The following AKR1C4 variants were observed in gnomAD, a reference collection of about 807,000 sequenced individuals.
The protein encoded by AKR1C4 is aldo-keto reductase family 1 member C4, also known as 3-alpha-HSD1.
In AKR1C4, 44 loss-of-function variants were observed where a neutral mutation model predicts 41.0. That is an observed-to-expected ratio of 1.07 (90% CI 0.84 to 1.38). The LOEUF is 1.38. Among genes scored for constraint, AKR1C4 ranks in the 40% most tolerant of loss-of-function variants. The pLI is 0.00. For synonymous variants in AKR1C4, 165 were observed against 137.7 expected (o/e 1.20, Z -1.39); for missense variants, 438 against 387.9 (o/e 1.13, Z -1.09).
intron 7 of AKR1C4, among the ~76,000 whole-genome samples, chr10:5,213,625 T>C (rs1005888931): frequency 3.9e-5 from 6 of 152,214 alleles, no homozygotes; most frequent in African/African-American, 1.4e-4. Flanking sequence ...ATCATAATTA[T>C]ACTGAGTAAA....
intron 8 of AKR1C4, among the ~76,000 whole-genome samples, chr10:5,217,695 G>A (rs1832675076): frequency 6.6e-6 from 1 of 152,186 alleles, no homozygotes; most frequent in Non-Finnish European, 1.5e-5. Flanking sequence ...GGGAAGCAGA[G>A]GTTTCAGTGA....
chr10:5,217,407 T>G (rs575263366), intron 8 of AKR1C4, among the ~76,000 whole-genome samples: 1 of 152,224 alleles, frequency 6.6e-6, no homozygotes, highest in African/African-American at 2.4e-5. Flanking sequence ...GGCTTTAATT[T>G]TTGCAATATG....
Position 5,213,075 on chromosome 10 carries a change from G to C in AKR1C4, c.762G>C (p.Leu254=), listed in dbSNP as rs1564404288. Residue 254 remains leucine (L), a synonymous_variant, in exon 7 of 9, where the codon CTG becomes CTC. Coordinates refer to ENST00000263126, the MANE Select transcript of AKR1C4 (RefSeq NM_001818.5). ...AGAAACACAAACAAACCCCAGCCCT[G>C]ATTGCCCTGCGCTACCAGCTGCAGC... The part of the protein sequence containing the change: ...LAKKHKQTPA[L]IALRYQLQRG... 1 of 1,614,048 alleles carries C rather than the reference G, an allele frequency of 6.2e-7. No homozygotes were observed. Among genetic ancestry groups the C allele is most frequent in the African/African-American group, 1.3e-5 (1 of 74,936 alleles).
intron 5 of AKR1C4, among the ~76,000 whole-genome samples, chr10:5,210,437 C>G (rs1182919389): frequency 6.6e-6 from 1 of 152,194 alleles, no homozygotes; most frequent in East Asian, 1.9e-4. Flanking sequence ...CAGAGCTCCA[C>G]TAGGTGGTGC....
chr10:5,200,096 C>A lies in AKR1C4; in HGVS notation c.85-85C>A, dbSNP rs1588335432. On this transcript the variant is annotated intron_variant, in intron 1 of 8. Transcript: ENST00000263126. ...AAGCGAGCCACACCCCCACTGCACA[C>A]CCTGTGAGGACAAGGGAACTTTTCC... 1.4e-5 allele frequency: 22 copies of A among 1,536,670 alleles called. No individual in the cohort carries two copies. The South Asian group carries it at 2.6e-4, about 18-fold the overall frequency.
chr10:5,201,273 G>A (rs1832398064), intron 2 of AKR1C4, among the ~76,000 whole-genome samples: 1 of 152,050 alleles, frequency 6.6e-6, no homozygotes, highest in Admixed American at 6.5e-5. Context: ...AACTTCTACT[G>A]TCTTTTCAGC....
rs1328373081 is a variant in AKR1C4 at position 5,218,865 on chromosome 10, C to A, written c.*105C>A. ...TGGACACACAGCCTCTGGTTAAATC[C>A]CTCCCCTCCTGCTTGGCAACTTCAG... On this transcript the variant is annotated 3_prime_UTR_variant, in exon 9 of 9. Coordinates refer to ENST00000263126, the MANE Select transcript of AKR1C4 (RefSeq NM_001818.5). 3.7e-6 allele frequency: 4 copies of A among 1,066,772 alleles called. No homozygotes were observed. The highest frequency in any genetic ancestry group is 1.6e-5 in the South Asian group (1 of 64,140). The allele number at this position is 1,066,772 out of a possible 1,614,324, so 66.1% of individuals were successfully genotyped here.
At chr10:5,212,242 T>C (rs956596836) in intron 5 of AKR1C4, among the ~76,000 whole-genome samples, 7 of 152,346 alleles carry the variant, frequency 4.6e-5, no homozygotes, top group Admixed American at 3.9e-4. Context: ...TTACTGGGAT[T>C]CCTATAAAAC....
At chr10:5,213,262 C>T in intron 7 of AKR1C4, 103 bp downstream of exon 7, 1 of 1,512,854 alleles carries the variant, frequency 6.6e-7, no homozygotes, top group South Asian at 1.3e-5. Flanking sequence ...ACTTCCTGGG[C>T]ATTTCCTATG....
rs1177360668 is a variant in AKR1C4 at position 5,203,253 on chromosome 10, GATA to G, written c.253-1120_253-1118del. ...GCCAAGGGGGCTCATTCCCACTTGA[GATA>G]ATATTAATATCATGAAATTCAGTTA... On this transcript the variant is annotated intron_variant, in intron 2 of 8. Transcript: ENST00000263126. Among the ~76,000 whole-genome samples, 118 of 152,174 alleles carry G rather than the reference GATA, an allele frequency of 7.8e-4. 1 individual carries two copies. The highest frequency in any genetic ancestry group is 2.7e-3 in the African/African-American group (111 of 41,524).
intron 3 of AKR1C4, among the ~76,000 whole-genome samples, chr10:5,205,450 G>C (rs1832469151): frequency 6.6e-6 from 1 of 152,146 alleles, no homozygotes; most frequent in Non-Finnish European, 1.5e-5. Context: ...GGCTGTTTGA[G>C]TCAAAGAGAG....
Position 5,205,018 on chromosome 10 carries a change from G to A in AKR1C4, c.369+525G>A, listed in dbSNP as rs116786703. ...GTAGCTTTGCCTAGTCATGAATTTC[G>A]GTTGTGCATAACTTTTAAATTTATA... On this transcript the variant is annotated intron_variant, in intron 3 of 8. Coordinates refer to ENST00000263126, the MANE Select transcript of AKR1C4 (RefSeq NM_001818.5). Among the ~76,000 whole-genome samples, 1,230 of 152,160 alleles carry A rather than the reference G, an allele frequency of 8.1e-3. 13 individuals are homozygous for A. Among genetic ancestry groups the A allele is most frequent in the African/African-American group, 0.029 (1,187 of 41,510 alleles).
chr10:5,207,727 T>C lies in AKR1C4; in HGVS notation c.570+1330T>C, dbSNP rs572533030. ...TGATGTGATAATGAAGAGAAAAATA[T>C]TGCAGTAATATAAAAAGATGAATAT... On this transcript the variant is annotated intron_variant, in intron 5 of 8. Coordinates refer to ENST00000263126, the MANE Select transcript of AKR1C4 (RefSeq NM_001818.5). 1,067 of 514,580 alleles carry C rather than the reference T, an allele frequency of 2.1e-3. 4 individuals are homozygous for C. Among genetic ancestry groups the C allele is most frequent in the Non-Finnish European group, 2.4e-3 (662 of 275,448 alleles). 31.9% of individuals were successfully genotyped at this position (514,580 alleles called of 1,614,324 possible). A position where few individuals can be genotyped will look rare whatever the true frequency, so the allele number is the denominator to read the frequency against.
At chr10:5,218,101 T>C (rs1392472844) in intron 8 of AKR1C4, among the ~76,000 whole-genome samples, 1 of 152,176 alleles carries the variant, frequency 6.6e-6, no homozygotes, top group African/African-American at 2.4e-5. Context: ...ACCAATCAAT[T>C]ATTCAATATT....
intron 2 of AKR1C4, among the ~76,000 whole-genome samples, chr10:5,202,691 T>C (rs1832418613): frequency 6.6e-6 from 1 of 152,182 alleles, no homozygotes; most frequent in Admixed American, 6.5e-5. Context: ...TTATCATAAA[T>C]GGATGTTGGA....
chr10:5,205,531 C>G (rs1372549550), intron 3 of AKR1C4, among the ~76,000 whole-genome samples: 1 of 152,126 alleles, frequency 6.6e-6, no homozygotes, highest in African/African-American at 2.4e-5. Context: ...CCATTAAAAC[C>G]TGTAAAATGG....
intron 2 of AKR1C4, among the ~76,000 whole-genome samples, chr10:5,202,940 TGTG>T (rs1832423812): frequency 1.8e-4 from 7 of 37,846 alleles, no homozygotes. Context: ...AGTTTTCTTT[TGTG>T]TGTGTGTGTG....
At position 5,205,966 on chromosome 10, in the gene AKR1C4, G is replaced by T. The variant is rs190063651; in HGVS notation, c.447+132G>T. The stretch of plus-strand genomic sequence containing the variant: ...TAAGGAGCTTGACAAAGGAAGTTTT[G>T]CTGAGTGGTAGGGAAGAATACATGA... On this transcript the variant is annotated intron_variant, in intron 4 of 8. Coordinates refer to ENST00000263126, the MANE Select transcript of AKR1C4 (RefSeq NM_001818.5). The T allele has an allele frequency of 8.0e-5, 83 of 1,035,322 alleles. No individual in the cohort carries two copies. The African/African-American group carries it at 1.2e-3, about 15-fold the overall frequency. The allele number at this position is 1,035,322 out of a possible 1,614,324, so 64.1% of individuals were successfully genotyped here.
Position 5,213,145 on chromosome 10 carries a change from A to G in AKR1C4, c.832A>G (p.Arg278Gly). The stretch of plus-strand genomic sequence containing the variant: ...CAAGAGCTACAATGAGCAGCGGATC[A>G]GAGAGAACATCCAGGTGAGGAGTTG... ...LAKSYNEQRI[R>G]ENIQVFEFQL... is the part of the protein sequence containing the mutation. Residue 278 changes from arginine (R) to glycine (G), a missense_variant, in exon 7 of 9, where the codon AGA (arginine) becomes GGA (glycine). Coordinates refer to ENST00000263126, the MANE Select transcript of AKR1C4 (RefSeq NM_001818.5). 1 of 1,613,702 alleles carries G rather than the reference A, an allele frequency of 6.2e-7. No homozygotes were observed. Among genetic ancestry groups the G allele is most frequent in the Non-Finnish European group, 8.5e-7 (1 of 1,180,026 alleles).
Sources: allele counts gnomAD v4.1 joint callset (sites outside exome capture counted in the v4.1 genomes callset), GRCh38; gene constraint gnomAD v4.1.1; transcripts MANE v1.5; gene names NCBI Gene and HGNC (gene_info 2026-07-23, HGNC 2026-07-21).